ATP10B: variants seen among roughly 807,000 people sequenced by gnomAD.
The protein encoded by ATP10B is ATPase phospholipid transporting 10B (putative).
A neutral mutation model predicts 141.2 loss-of-function variants in ATP10B; 122 were observed. That is an observed-to-expected ratio of 0.86 (90% CI 0.75 to 1.00). The LOEUF is 1.00. Ranked by LOEUF, ATP10B falls within the 50% of genes least tolerant of loss-of-function variation. The pLI is 0.00. For synonymous variants in ATP10B, 685 were observed against 692.0 expected, an observed-to-expected ratio of 0.99 and a Z score of 0.16; for missense variants, 1,876 against 1,825.3, an observed-to-expected ratio of 1.03 and a Z score of -0.51.
intron 9 of ATP10B, among the ~76,000 whole-genome samples, chr5:160,643,010 C>T (rs536171415): frequency 1.9e-4 from 26 of 140,494 alleles, no homozygotes; most frequent in Non-Finnish European, 3.7e-4. Context: ...TTACCATTTT[C>T]TTTTTTGGTA....
intron 6 of ATP10B, among the ~76,000 whole-genome samples, chr5:160,672,608 C>T (rs754220693): frequency 2.6e-4 from 40 of 152,164 alleles, no homozygotes; most frequent in Non-Finnish European, 5.6e-4. Flanking sequence ...TCTAACTGAG[C>T]CCAGCTGGCT....
chr5:160,909,191 C>T, the ATP10B span, among the ~76,000 whole-genome samples: 3 of 152,116 alleles, frequency 2.0e-5, no homozygotes, highest in Non-Finnish European at 2.9e-5. Flanking sequence ...TCAGCCCAGA[C>T]TATGAGGAAG....
intron 8 of ATP10B, among the ~76,000 whole-genome samples, chr5:160,645,124 A>G (rs1380937923): frequency 6.6e-6 from 1 of 151,898 alleles, no homozygotes; most frequent in African/African-American, 2.4e-5. Flanking sequence ...CTTAAAAAAA[A>G]AAAAAAAAAA....
chr5:160,565,611 C>T lies in ATP10B; in HGVS notation c.4228G>A (p.Asp1410Asn). The T allele has an allele frequency of 3.1e-6, 5 of 1,614,102 alleles. No homozygotes were observed. The highest frequency in any genetic ancestry group is 1.3e-5 in the African/African-American group (1 of 75,044). The change falls in exon 26 of 26, where the codon GAT (aspartate) becomes AAT (asparagine). Residue 1410 changes from aspartate to asparagine, a missense_variant. Coordinates refer to ENST00000327245, the MANE Select transcript of ATP10B (RefSeq NM_025153.3). Reference protein sequence around the residue: ...EQRCGTECMRDDSCSGDSSAQ... With the variant: ...EQRCGTECMRNDSCSGDSSAQ... ...GAGGAGTCCCCTGAGCATGAGTCAT[C>T]CCTCATGCACTCCGTGCCACATCTC...
intron 7 of ATP10B, among the ~76,000 whole-genome samples, chr5:160,650,083 T>A (rs1258522211): frequency 1.3e-5 from 2 of 151,084 alleles, no homozygotes; most frequent in Non-Finnish European, 2.9e-5. Flanking sequence ...CACTCTAGCC[T>A]GGCAGAGCAA....
chr5:160,849,369 AAAT>A (rs747782009), intron 1 of ATP10B, among the ~76,000 whole-genome samples: 2 of 152,180 alleles, frequency 1.3e-5, no homozygotes, highest in African/African-American at 2.4e-5. Context: ...ACCTCCTCTC[AAAT>A]AATACAAGTT....
chr5:160,569,082 T>C (rs1754720641), intron 25 of ATP10B, among the ~76,000 whole-genome samples: 1 of 152,220 alleles, frequency 6.6e-6, no homozygotes, highest in South Asian at 2.1e-4. Flanking sequence ...TTTCTTCCAA[T>C]ATCTGTACTC....
At chr5:160,620,242 G>T in intron 15 of ATP10B, 105 bp downstream of exon 15, 2 of 1,433,506 alleles carry the variant, frequency 1.4e-6, no homozygotes, top group Non-Finnish European at 1.9e-6. Flanking sequence ...GTTGGGACCT[G>T]CCATACCAGG....
intron 1 of ATP10B, among the ~76,000 whole-genome samples, chr5:160,790,126 C>T (rs1382433747): frequency 6.6e-6 from 1 of 152,122 alleles, no homozygotes; most frequent in African/African-American, 2.4e-5. Context: ...CTGACCTTTG[C>T]CTAGTTCCAC....
chr5:160,826,146 ACT>A (rs1471348453), intron 1 of ATP10B, among the ~76,000 whole-genome samples: 1 of 151,540 alleles, frequency 6.6e-6, no homozygotes, highest in Non-Finnish European at 1.5e-5. Context: ...TTTTTGTATA[ACT>A]CTCTATTTTC....
chr5:160,792,887 A>G (rs1328500504), intron 1 of ATP10B, among the ~76,000 whole-genome samples: 2 of 152,234 alleles, frequency 1.3e-5, no homozygotes, highest in South Asian at 2.1e-4. Context: ...AAATGACATG[A>G]CCTAAAACAC....
chr5:160,798,843 C>A (rs565359531), intron 1 of ATP10B, among the ~76,000 whole-genome samples: 1 of 150,566 alleles, frequency 6.6e-6, no homozygotes, highest in Non-Finnish European at 1.5e-5. Flanking sequence ...CTCTGCCTCC[C>A]GGGTTTCAAG....
intron 1 of ATP10B, among the ~76,000 whole-genome samples, chr5:160,838,670 C>T (rs2127984485): frequency 6.6e-6 from 1 of 152,156 alleles, no homozygotes; most frequent in East Asian, 1.9e-4. Flanking sequence ...AACCATTATG[C>T]TAGACACCAG....
the ATP10B span, among the ~76,000 whole-genome samples, chr5:160,918,612 C>T: frequency 1.3e-5 from 2 of 152,222 alleles, no homozygotes; most frequent in East Asian, 3.8e-4. Context: ...CTACACACTT[C>T]ACATTTTCTC....
At chr5:160,874,913 G>A in the ATP10B span, among the ~76,000 whole-genome samples, 2 of 144,510 alleles carry the variant, frequency 1.4e-5, no homozygotes, top group African/African-American at 2.6e-5. Flanking sequence ...TCTGATTGGT[G>A]TACCTGAAAG....
intron 1 of ATP10B, among the ~76,000 whole-genome samples, chr5:160,786,906 C>T (rs776291633): frequency 4.6e-5 from 7 of 152,026 alleles, no homozygotes; most frequent in Non-Finnish European, 8.8e-5. Context: ...TGGACAGCCT[C>T]GGCCTCCTCA....
intron 7 of ATP10B, among the ~76,000 whole-genome samples, chr5:160,667,217 C>CA (rs1356822671): frequency 3.3e-5 from 5 of 151,624 alleles, no homozygotes; most frequent in Non-Finnish European, 7.4e-5. Flanking sequence ...GACTCTGTCT[C>CA]AAAACAAAAA....
chr5:160,815,906 A>G (rs942052423), intron 1 of ATP10B, among the ~76,000 whole-genome samples: 2 of 152,198 alleles, frequency 1.3e-5, no homozygotes, highest in South Asian at 2.1e-4. Context: ...CTGCTCCTGA[A>G]TGACTACTGG....
intron 1 of ATP10B, among the ~76,000 whole-genome samples, chr5:160,824,664 G>A (rs899926710): frequency 4.0e-5 from 6 of 151,044 alleles, no homozygotes; most frequent in East Asian, 1.9e-4. Context: ...GCTGAATACC[G>A]TAGGCCACTG....
Sources: allele counts gnomAD v4.1 joint callset (sites outside exome capture counted in the v4.1 genomes callset), GRCh38; gene constraint gnomAD v4.1.1; transcripts MANE v1.5; gene names NCBI Gene and HGNC (gene_info 2026-07-23, HGNC 2026-07-21).